The following LRPPRC variants were observed in gnomAD, a reference collection of about 807,000 sequenced individuals.
LRPPRC encodes the protein leucine-rich PPR motif-containing protein, mitochondrial.
Under a neutral mutation model 180.3 loss-of-function variants are expected in LRPPRC, and 120 were observed. The observed-to-expected ratio is 0.67, with a 90% CI of 0.57 to 0.77. The LOEUF is 0.77. Among genes scored for constraint, LRPPRC ranks in the 30% least tolerant of loss-of-function variants. LRPPRC has a pLI of 0.00. For synonymous variants in LRPPRC, 723 were observed against 600.0 expected, an observed-to-expected ratio of 1.21 and a Z score of -3.00; for missense variants, 2,012 against 1,657.2, an observed-to-expected ratio of 1.21 and a Z score of -3.72.
intron 21 of LRPPRC, 90 bp downstream of exon 21, chr2:43,946,023 A>G (rs916072185): frequency 1.4e-5 from 18 of 1,321,148 alleles, no homozygotes; most frequent in East Asian, 1.2e-4. Flanking sequence ...ATGACATTAT[A>G]TAAGAGAGTA....
At chr2:43,931,577 C>T (rs898072632) in intron 25 of LRPPRC, among the ~76,000 whole-genome samples, 2 of 152,174 alleles carry the variant, frequency 1.3e-5, no homozygotes, top group Non-Finnish European at 2.9e-5. Flanking sequence ...ACGCACAATT[C>T]ATCTTTTAAT....
At chr2:43,952,895 T>A (rs1263141219) in intron 14 of LRPPRC, among the ~76,000 whole-genome samples, 2 of 152,200 alleles carry the variant, frequency 1.3e-5, no homozygotes, top group Non-Finnish European at 2.9e-5. Context: ...CTTAACTTCA[T>A]CATGTAAACC....
chr2:43,920,440 C>G (rs892843183), intron 27 of LRPPRC, among the ~76,000 whole-genome samples: 2 of 151,914 alleles, frequency 1.3e-5, no homozygotes, highest in Non-Finnish European at 2.9e-5. Context: ...CCAGCTGCAG[C>G]CTAAACTTTC....
intron 2 of LRPPRC, among the ~76,000 whole-genome samples, chr2:43,982,020 G>C (rs1263618921): frequency 1.3e-5 from 2 of 152,052 alleles, no homozygotes; most frequent in African/African-American, 2.4e-5. Context: ...CGATTCTCAT[G>C]CCTCAGCCTC....
chr2:43,981,168 G>C (rs561368072), intron 2 of LRPPRC, among the ~76,000 whole-genome samples: 1 of 152,190 alleles, frequency 6.6e-6, no homozygotes, highest in Non-Finnish European at 1.5e-5. Context: ...TCAGGCATTA[G>C]TGACTCAAAC....
Position 43,896,578 on chromosome 2 carries a change from C to T in LRPPRC, c.3900+56G>A, listed in dbSNP as rs376779284. 3.7e-4 allele frequency: 407 copies of T among 1,114,644 alleles called. 3 individuals carry two copies. The African/African-American group carries it at 5.6e-3, about 15-fold the overall frequency. The allele number at this position is 1,114,644 out of a possible 1,614,324, so 69.0% of individuals were successfully genotyped here. ...ACAGGCTTTTATGTTAAATTCAATA[C>T]TTCTGAGCAAGGCACGTACAGTATC... is the stretch of plus-strand genomic sequence containing the variant. On this transcript the variant is annotated intron_variant, in intron 35 of 37. Transcript: ENST00000260665.
At chr2:43,923,177 TA>T (rs9309110) in intron 27 of LRPPRC, among the ~76,000 whole-genome samples, 7,051 of 130,502 alleles carry the variant, frequency 0.054, 206 homozygotes, top group South Asian at 0.1. Flanking sequence ...TTTGTTTCTT[TA>T]AAAAAAAAAA....
chr2:43,989,432 G>A (rs1412162349), intron 1 of LRPPRC, among the ~76,000 whole-genome samples: 1 of 152,154 alleles, frequency 6.6e-6, no homozygotes, highest in South Asian at 2.1e-4. Context: ...CTCACCTATG[G>A]AGGAAGTAAT....
intron 29 of LRPPRC, among the ~76,000 whole-genome samples, chr2:43,916,949 GGAA>G (rs1671492176): frequency 2.6e-5 from 3 of 115,812 alleles, no homozygotes; most frequent in Non-Finnish European, 5.0e-5. Flanking sequence ...GTCTCCGGGG[GGAA>G]AAAAAAAAAA....
chr2:43,889,971 T>A, intron 36 of LRPPRC, 95 bp from the exon 37 acceptor site: 1 of 846,170 alleles, frequency 1.2e-6, no homozygotes, highest in Non-Finnish European at 2.0e-6. Flanking sequence ...TGGATCCCTT[T>A]ATCCCACGGC....
chr2:43,919,568 T>C (rs924869981), intron 27 of LRPPRC, among the ~76,000 whole-genome samples: 2 of 152,178 alleles, frequency 1.3e-5, no homozygotes, highest in African/African-American at 4.8e-5. Context: ...TCCCTTCATA[T>C]TGAAAAGCCC....
At chr2:43,945,249 T>C in intron 22 of LRPPRC, 83 bp downstream of exon 22, 1 of 947,986 alleles carries the variant, frequency 1.1e-6, no homozygotes, top group South Asian at 1.3e-5. Flanking sequence ...TTGCAGGACA[T>C]GATATCCATT....
intron 34 of LRPPRC, among the ~76,000 whole-genome samples, chr2:43,897,242 G>A (rs1670718460): frequency 6.6e-6 from 1 of 151,960 alleles, no homozygotes; most frequent in African/African-American, 2.4e-5. Flanking sequence ...CACTGCAACA[G>A]ACAGCCAGCG....
chr2:43,945,360 T>G lies in LRPPRC; in HGVS notation c.2268A>C (p.Arg756Ser). Residue 756 changes from arginine (R) to serine (S), a missense_variant, in exon 22 of 38, where the codon AGA becomes AGC. Arg to Ser is a moderately radical substitution (Grantham distance 110). Coordinates refer to ENST00000260665, the MANE Select transcript of LRPPRC (RefSeq NM_133259.4). ...GGAGCTTGCCATGCTTTGCCAATAC[T>G]CTTACAAGGCCTACATACTTGCCGG... ...LDTGKYVGLV[R>S]VLAKHGKLQD... 1.2e-6 allele frequency: 2 copies of G among 1,612,558 alleles called. No individual in the cohort carries two copies. The highest frequency in any genetic ancestry group is 2.2e-5 in the East Asian group (1 of 44,868).
chr2:43,980,274 A>G (rs1263221424), intron 2 of LRPPRC, among the ~76,000 whole-genome samples: 1 of 152,170 alleles, frequency 6.6e-6, no homozygotes, highest in African/African-American at 2.4e-5. Flanking sequence ...TATCTTATGA[A>G]AACAGTATAA....
intron 15 of LRPPRC, among the ~76,000 whole-genome samples, chr2:43,949,925 A>G (rs1672834958): frequency 6.6e-6 from 1 of 152,236 alleles, no homozygotes; most frequent in Admixed American, 6.5e-5. Flanking sequence ...AAACTGATTT[A>G]TAAATTGATA....
chr2:43,994,117 G>C (rs754080044), intron 1 of LRPPRC, among the ~76,000 whole-genome samples: 1 of 151,998 alleles, frequency 6.6e-6, no homozygotes, highest in Non-Finnish European at 1.5e-5. Context: ...GAAATGCTGA[G>C]GATTAGAAAA....
intron 1 of LRPPRC, among the ~76,000 whole-genome samples, chr2:43,987,705 G>C (rs1012869825): frequency 6.6e-6 from 1 of 152,050 alleles, no homozygotes; most frequent in Admixed American, 6.5e-5. Context: ...CAAATCTTTA[G>C]TTTCTCAGGC....
At chr2:43,958,921 T>A (rs962791700) in intron 13 of LRPPRC, 2 of 316,894 alleles carry the variant, frequency 6.3e-6, no homozygotes, top group Non-Finnish European at 1.1e-5. Flanking sequence ...TTTTTCTTTT[T>A]TAAATCTAAT....
Sources: gnomAD v4.1 joint callset for allele counts (sites outside exome capture counted in the v4.1 genomes callset) on GRCh38, gnomAD v4.1.1 for gene constraint, MANE v1.5 for transcripts, NCBI Gene and HGNC (gene_info 2026-07-23, HGNC 2026-07-21) for gene names.